The following PPAT variants were observed in gnomAD, a reference collection of about 807,000 sequenced individuals.
The protein encoded by PPAT is amidophosphoribosyltransferase.
A neutral mutation model predicts 60.2 loss-of-function variants in PPAT; 20 were observed. The observed-to-expected ratio is 0.33, with a 90% CI of 0.23 to 0.48. The LOEUF is 0.48. PPAT is among the 20% of genes least tolerant of loss of function. PPAT has a pLI of 0.99. For synonymous variants in PPAT, 194 were observed against 215.1 expected (o/e 0.90, Z 0.86); for missense variants, 349 against 629.6 (o/e 0.55, Z 4.77).
At chr4:56,417,835 G>GTTT (rs1207160039) in intron 1 of PPAT, among the ~76,000 whole-genome samples, 8 of 102,516 alleles carry the variant, frequency 7.8e-5, no homozygotes, top group African/African-American at 2.8e-4. Flanking sequence ...TGAAGATTTG[G>GTTT]TTTTTTGTTT....
chr4:56,423,137 G>C (rs1717127301), intron 1 of PPAT: 1 of 152,198 alleles, frequency 6.6e-6, no homozygotes, highest in Non-Finnish European at 1.5e-5. Flanking sequence ...CTGTTAAAAA[G>C]ACCTTGTACC....
At chr4:56,419,933 T>C (rs1716955642) in intron 1 of PPAT, 1 of 983,694 alleles carries the variant, frequency 1.0e-6, no homozygotes, top group African/African-American at 1.7e-5. Flanking sequence ...AATTTTTTAC[T>C]GAGTTGGATG....
intron 1 of PPAT, among the ~76,000 whole-genome samples, chr4:56,430,449 T>G (rs1477375194): frequency 1.3e-5 from 2 of 152,140 alleles, no homozygotes; most frequent in Admixed American, 1.3e-4. Context: ...AGGGACCACA[T>G]CTGCCCTGTA....
rs1264518086 is a variant in PPAT at position 56,394,064 on chromosome 4, GTAACA to G, written c.*1283_*1287del. 1 of 152,080 alleles carries G rather than the reference GTAACA, an allele frequency of 6.6e-6. No homozygotes were observed. Among genetic ancestry groups the G allele is most frequent in the East Asian group, 1.9e-4 (1 of 5,194 alleles). 9.4% of individuals were successfully genotyped at this position (152,080 alleles called of 1,614,324 possible). ...TGGACACTATATACATCAAATTATG[GTAACA>G]TAACAGAAACAAACACTTTTATGTT... is the stretch of plus-strand genomic sequence containing the variant. On this transcript the variant is annotated 3_prime_UTR_variant, in exon 11 of 11. Coordinates refer to ENST00000264220, the MANE Select transcript of PPAT (RefSeq NM_002703.5).
In PPAT at chr4:56,394,858, TA is replaced by T. The variant is rs35057235; in HGVS notation, c.*493del. The T allele has an allele frequency of 0.63, 94,706 of 149,724 alleles. 30,021 individuals carry two copies. Among genetic ancestry groups the T allele is most frequent in the Admixed American group, 0.72 (10,838 of 15,014 alleles). 9.3% of individuals were successfully genotyped at this position (149,724 alleles called of 1,614,324 possible). ...ATGTGGGGAAACTGAGGCACCAGAT[TA>T]TTATTATTTTTTTTTAAAGATTTGT... On this transcript the variant is annotated 3_prime_UTR_variant, in exon 11 of 11. Coordinates refer to ENST00000264220, the MANE Select transcript of PPAT (RefSeq NM_002703.5).
At chr4:56,410,735 A>C in intron 1 of PPAT, 1 of 987,036 alleles carries the variant, frequency 1.0e-6, no homozygotes, top group Non-Finnish European at 1.2e-6. Context: ...TAGAACAGTT[A>C]AATATGCCCA....
At chr4:56,404,742 C>G (rs1216648160) in intron 3 of PPAT, among the ~76,000 whole-genome samples, 1 of 151,990 alleles carries the variant, frequency 6.6e-6, no homozygotes, top group Non-Finnish European at 1.5e-5. Flanking sequence ...ACAATAAGGT[C>G]ATTATAATGC....
chr4:56,414,499 C>G (rs1395097833), intron 1 of PPAT, among the ~76,000 whole-genome samples: 1 of 152,220 alleles, frequency 6.6e-6, no homozygotes, highest in African/African-American at 2.4e-5. Context: ...AATTTCCCCT[C>G]TATTTCACTC....
intron 1 of PPAT, chr4:56,408,038 G>T: frequency 4.5e-6 from 1 of 223,610 alleles, no homozygotes; most frequent in Non-Finnish European, 9.0e-6. Context: ...AGAGAGATAT[G>T]ACTGTGATCC....
chr4:56,410,900 A>T (rs1255453272), intron 1 of PPAT: 94 of 3,870 alleles, frequency 0.024, no homozygotes, highest in Non-Finnish European at 0.029. Flanking sequence ...CACTGAAGGT[A>T]AAAAAAAAAA....
In PPAT at chr4:56,401,719, T is replaced by C. The variant is rs551615488; in HGVS notation, c.735-238A>G. On this transcript the variant is annotated intron_variant, in intron 6 of 10. Coordinates refer to ENST00000264220, the MANE Select transcript of PPAT (RefSeq NM_002703.5). ...AAAAAATTAAGGGCCCTAAGTTGTA[T>C]TGAATTTTAAAAGAATAAAGTATAA... is the stretch of plus-strand genomic sequence containing the variant. Among the ~76,000 whole-genome samples the C allele has an allele frequency of 1.2e-4, 19 of 152,276 alleles. No homozygotes were observed. In the East Asian group the frequency reaches 3.3e-3, roughly 26 times the overall value.
intron 8 of PPAT, chr4:56,399,845 TTAA>T (rs1716069859): frequency 6.4e-6 from 1 of 156,630 alleles, no homozygotes; most frequent in African/African-American, 2.4e-5. Context: ...CTTTTAGAAG[TTAA>T]TAAAGTATCC....
intron 10 of PPAT, 50 bp from the exon 11 acceptor site, chr4:56,395,598 G>A (rs758434927): frequency 1.4e-5 from 19 of 1,316,782 alleles, no homozygotes; most frequent in Non-Finnish European, 1.8e-5. Flanking sequence ...CTTTAGAAAG[G>A]AAGAAACGCG....
intron 8 of PPAT, chr4:56,400,505 G>A: frequency 4.3e-6 from 1 of 232,486 alleles, no homozygotes; most frequent in Non-Finnish European, 8.5e-6. Context: ...AGGGTCAACT[G>A]TATATTCATG....
At chr4:56,435,291 G>A in intron 1 of PPAT, 59 bp downstream of exon 1, 1 of 1,604,846 alleles carries the variant, frequency 6.2e-7, no homozygotes, top group Non-Finnish European at 8.5e-7. Flanking sequence ...CGCCGACTGC[G>A]GGAAGCGGCT....
chr4:56,431,010 T>C (rs1717554580), intron 1 of PPAT, among the ~76,000 whole-genome samples: 1 of 151,954 alleles, frequency 6.6e-6, no homozygotes, highest in Admixed American at 6.6e-5. Flanking sequence ...AAAAAAGTTA[T>C]AAATGGAAGG....
Position 56,403,149 on chromosome 4 carries a change from G to A in PPAT, c.552C>T (p.Tyr184=), listed in dbSNP as rs777023644. The A allele has an allele frequency of 2.5e-6, 4 of 1,610,690 alleles. No homozygotes were observed. The highest frequency in any genetic ancestry group is 3.4e-6 in the Non-Finnish European group (4 of 1,177,768). Residue 184 remains tyrosine (Y), a synonymous_variant, in exon 5 of 11, where the codon TAC becomes TAT. Coordinates refer to ENST00000264220, the MANE Select transcript of PPAT (RefSeq NM_002703.5). ...CATCTCTGTGCATTATAAGCAGGGA[G>A]TATGCTGTGGGTGCTTCCTTCATCA... ...KNLMKEAPTA[Y]SLLIMHRDVI... is the part of the protein sequence containing the mutation.
chr4:56,424,248 T>C (rs1717180924), intron 1 of PPAT, among the ~76,000 whole-genome samples: 1 of 152,242 alleles, frequency 6.6e-6, no homozygotes, highest in Non-Finnish European at 1.5e-5. Flanking sequence ...CAGCTACAGC[T>C]GTAGACCCCT....
At chr4:56,431,592 G>A (rs1328439115) in intron 1 of PPAT, 3 of 851,688 alleles carry the variant, frequency 3.5e-6, no homozygotes, top group Non-Finnish European at 4.2e-6. Context: ...GTTTGTCATT[G>A]TAAGGTTCAA....
Sources: gnomAD v4.1 joint callset for allele counts (sites outside exome capture counted in the v4.1 genomes callset) on GRCh38, gnomAD v4.1.1 for gene constraint, MANE v1.5 for transcripts, NCBI Gene and HGNC (gene_info 2026-07-23, HGNC 2026-07-21) for gene names.